The following RBFOX1 variants were observed in gnomAD, a reference collection of about 807,000 sequenced individuals.
The protein encoded by RBFOX1 is RNA binding protein fox-1 homolog 1.
A neutral mutation model predicts 57.7 loss-of-function variants in RBFOX1; 8 were observed. That is an observed-to-expected ratio of 0.14 (90% CI 0.08 to 0.25). RBFOX1 has a LOEUF of 0.25. Among genes scored for constraint, RBFOX1 ranks in the 10% least tolerant of loss-of-function variants. The probability of loss-of-function intolerance (pLI) is 1.00; values close to 1 mark genes in which losing one functional copy is unlikely to be tolerated. For missense variants in RBFOX1, 611 were observed against 548.5 expected (o/e 1.11, Z -1.14); for synonymous variants, 326 against 222.4 (o/e 1.47, Z -4.15).
Position 7,392,854 on chromosome 16 carries a change from G to GTTT in RBFOX1, c.28-125293_28-125292insTTT, listed in dbSNP as rs779920137. 8.4e-3 allele frequency among the ~76,000 whole-genome samples: 1,038 copies of GTTT among 123,068 alleles called. 6 individuals are homozygous for GTTT. Among genetic ancestry groups the GTTT allele is most frequent in the African/African-American group, 0.03 (912 of 30,246 alleles). The allele number at this position is 123,068 out of a possible 152,430, so 80.7% of individuals were successfully genotyped here. A position where few individuals can be genotyped will look rare whatever the true frequency, so the allele number is the denominator to read the frequency against. ...GTTTTTTGTTGTTTTGGTTTGGTTT[G>GTTT]GTTTGTTTGTTTGTTTGTTTGTTTG... is the stretch of plus-strand genomic sequence containing the variant. On this transcript the variant is annotated intron_variant, in intron 4 of 15. Transcript: ENST00000550418.
chr16:6,683,158 G>T (rs2058925058), intron 3 of RBFOX1, among the ~76,000 whole-genome samples: 1 of 152,044 alleles, frequency 6.6e-6, no homozygotes, highest in Non-Finnish European at 1.5e-5. Flanking sequence ...TTTTCCTTGG[G>T]CATTACACAG....
intron 2 of RBFOX1, among the ~76,000 whole-genome samples, chr16:6,428,186 T>C (rs919493107): frequency 6.7e-6 from 1 of 149,040 alleles, no homozygotes; most frequent in Non-Finnish European, 1.5e-5. Flanking sequence ...CTTGGAAGGC[T>C]GAGGTGGGAG....
At chr16:7,435,495 A>G (rs1373323549) in intron 4 of RBFOX1, among the ~76,000 whole-genome samples, 1 of 152,216 alleles carries the variant, frequency 6.6e-6, no homozygotes, top group East Asian at 1.9e-4. Flanking sequence ...GAAGGAAATC[A>G]CTATGAGCAG....
At chr16:5,676,444 C>T (rs1472868911) in intron 3 of RBFOX1, among the ~76,000 whole-genome samples, 1 of 152,170 alleles carries the variant, frequency 6.6e-6, no homozygotes, top group Non-Finnish European at 1.5e-5. Flanking sequence ...TCTCACATCT[C>T]CCTCTCACTA....
intron 2 of RBFOX1, among the ~76,000 whole-genome samples, chr16:6,448,156 C>CCTT (rs2094523408): frequency 1.3e-5 from 1 of 78,474 alleles, no homozygotes; most frequent in Non-Finnish European, 2.2e-5. Flanking sequence ...TCTTTTCTTT[C>CCTT]TTTTTTTTTT....
At chr16:6,142,189 C>CAA (rs71142685) in intron 1 of RBFOX1, among the ~76,000 whole-genome samples, 773 of 49,018 alleles carry the variant, frequency 0.016, 84 homozygotes, top group Middle Eastern at 0.042. Context: ...GCTGCTGCTG[C>CAA]AAAAAAAAAA....
chr16:5,480,775 G>T (rs2069513272), intron 2 of RBFOX1, among the ~76,000 whole-genome samples: 1 of 152,182 alleles, frequency 6.6e-6, no homozygotes, highest in African/African-American at 2.4e-5. Context: ...AAACAGTTCT[G>T]TGCCTTTCTT....
chr16:5,542,506 C>T (rs2045002206), intron 2 of RBFOX1, among the ~76,000 whole-genome samples: 1 of 151,854 alleles, frequency 6.6e-6, no homozygotes, highest in African/African-American at 2.4e-5. Flanking sequence ...ATCCACCCGC[C>T]TCGGCCTCCC....
chr16:6,692,340 CTT>C (rs1178014232), intron 3 of RBFOX1, among the ~76,000 whole-genome samples: 1 of 284 alleles, frequency 3.5e-3, no homozygotes, highest in African/African-American at 4.9e-3. Flanking sequence ...AGTGTTTCAT[CTT>C]CTTTATTTCT....
intron 3 of RBFOX1, among the ~76,000 whole-genome samples, chr16:6,921,845 G>C (rs140204127): frequency 6.6e-6 from 1 of 151,992 alleles, no homozygotes; most frequent in Non-Finnish European, 1.5e-5. Flanking sequence ...GCATTCTGTT[G>C]GTTGGAAGCA....
intron 1 of RBFOX1, among the ~76,000 whole-genome samples, chr16:5,365,140 T>A (rs1295388181): frequency 6.6e-6 from 1 of 152,148 alleles, no homozygotes; most frequent in Non-Finnish European, 1.5e-5. Flanking sequence ...GCTGGTGGAC[T>A]CCGGAGGCTG....
intron 1 of RBFOX1, among the ~76,000 whole-genome samples, chr16:5,267,703 A>G (rs1327792303): frequency 6.6e-6 from 1 of 152,208 alleles, no homozygotes; most frequent in Non-Finnish European, 1.5e-5. Context: ...CTCTACTTCC[A>G]GAGTTCCCAC....
intron 3 of RBFOX1, among the ~76,000 whole-genome samples, chr16:6,974,502 G>A (rs537404548): frequency 7.2e-5 from 11 of 151,758 alleles, no homozygotes; most frequent in Admixed American, 2.6e-4. Flanking sequence ...GTGCCACCAC[G>A]CCCAGCTAAT....
intron 12 of RBFOX1, among the ~76,000 whole-genome samples, chr16:7,658,986 A>G (rs2067015342): frequency 6.6e-6 from 1 of 152,120 alleles, no homozygotes; most frequent in Admixed American, 6.5e-5. Context: ...CAGCCTCCCA[A>G]AGTGCTGGGA....
At chr16:7,208,600 C>T (rs9925953) in intron 4 of RBFOX1, among the ~76,000 whole-genome samples, 33,750 of 151,994 alleles carry the variant, frequency 0.22, 4,472 homozygotes, top group East Asian at 0.37. Flanking sequence ...ATTTGGGAGG[C>T]TGTGGTGGGA....
At chr16:7,427,166 A>G (rs972007160) in intron 4 of RBFOX1, among the ~76,000 whole-genome samples, 1 of 152,180 alleles carries the variant, frequency 6.6e-6, no homozygotes, top group Non-Finnish European at 1.5e-5. Context: ...CCTAATGTAA[A>G]TGACGAGTTA....
At chr16:6,052,424 G>A (rs1027537301) in intron 1 of RBFOX1, among the ~76,000 whole-genome samples, 6 of 152,176 alleles carry the variant, frequency 3.9e-5, no homozygotes, top group African/African-American at 1.2e-4. Context: ...TTTCTTTAAC[G>A]CACAGTTTGC....
chr16:7,465,536 C>G (rs1181056398), intron 4 of RBFOX1, among the ~76,000 whole-genome samples: 1 of 152,222 alleles, frequency 6.6e-6, no homozygotes, highest in Non-Finnish European at 1.5e-5. Context: ...AAAGCACTGC[C>G]TGCCAGGCTA....
intron 4 of RBFOX1, among the ~76,000 whole-genome samples, chr16:5,922,977 G>A (rs1375638728): frequency 6.6e-6 from 1 of 152,226 alleles, no homozygotes; most frequent in Non-Finnish European, 1.5e-5. Flanking sequence ...AGCAGAGGAT[G>A]TGGAGGACAG....
Sources: allele counts gnomAD v4.1 joint callset (sites outside exome capture counted in the v4.1 genomes callset), GRCh38; gene constraint gnomAD v4.1.1; transcripts MANE v1.5; gene names NCBI Gene and HGNC (gene_info 2026-07-23, HGNC 2026-07-21).